SYNPR: variants seen among roughly 807,000 people sequenced by gnomAD.
SYNPR encodes synaptoporin.
In SYNPR, 23 loss-of-function variants were observed where a neutral mutation model predicts 32.9. The observed-to-expected ratio is 0.70, with a 90% CI of 0.50 to 0.99. The LOEUF (loss-of-function observed/expected upper bound fraction) is 0.99, where lower values mean the gene tolerates loss of function less well. Among genes scored for constraint, SYNPR ranks in the 50% least tolerant of loss-of-function variants. The pLI is 0.00. For synonymous variants in SYNPR, 146 were observed against 135.9 expected (o/e 1.07, Z -0.52); for missense variants, 318 against 349.3 (o/e 0.91, Z 0.71).
At chr3:63,497,202 C>T (rs1193431722) in intron 3 of SYNPR, among the ~76,000 whole-genome samples, 1 of 152,144 alleles carries the variant, frequency 6.6e-6, no homozygotes, top group Non-Finnish European at 1.5e-5. Flanking sequence ...AATATTTACA[C>T]AGTGTGAGCG....
intron 2 of SYNPR, among the ~76,000 whole-genome samples, chr3:63,279,384 A>G (rs2086607377): frequency 6.6e-6 from 1 of 152,162 alleles, no homozygotes; most frequent in South Asian, 2.1e-4. Flanking sequence ...GATTATACCC[A>G]GAAGAGCCCA....
chr3:63,333,025 C>T (rs1251355853), intron 2 of SYNPR, among the ~76,000 whole-genome samples: 2 of 152,002 alleles, frequency 1.3e-5, no homozygotes, highest in Non-Finnish European at 2.9e-5. Context: ...TCCTAGGAGA[C>T]AAAAATCATC....
chr3:63,403,775 C>A (rs1251710170), intron 2 of SYNPR, among the ~76,000 whole-genome samples: 1 of 151,980 alleles, frequency 6.6e-6, no homozygotes, highest in African/African-American at 2.4e-5. Flanking sequence ...AGGATGTAAC[C>A]TAAGAGAGAA....
At chr3:63,387,114 T>C (rs58668464) in intron 2 of SYNPR, among the ~76,000 whole-genome samples, 2,425 of 152,314 alleles carry the variant, frequency 0.016, 84 homozygotes, top group African/African-American at 0.054. Context: ...TCCACTGACA[T>C]ACAATGTTTA....
intron 3 of SYNPR, among the ~76,000 whole-genome samples, chr3:63,551,515 G>A (rs1559534074): frequency 6.6e-6 from 1 of 152,110 alleles, no homozygotes; most frequent in Non-Finnish European, 1.5e-5. Context: ...TTCCAAAGTG[G>A]CTGCATCATT....
intron 3 of SYNPR, among the ~76,000 whole-genome samples, chr3:63,549,418 G>C (rs1018952905): frequency 6.6e-6 from 1 of 152,072 alleles, no homozygotes; most frequent in South Asian, 2.1e-4. Flanking sequence ...GCCAGTGTAG[G>C]CTCCTTCTAC....
rs1700273721 is a variant in SYNPR at position 63,616,021 on chromosome 3, A to G, written c.*540A>G. The G allele has an allele frequency of 1.3e-5, 2 of 152,214 alleles. No individual in the cohort carries two copies. The highest frequency in any genetic ancestry group is 4.8e-5 in the African/African-American group (2 of 41,444). The allele number at this position is 152,214 out of a possible 1,614,324, so 9.4% of individuals were successfully genotyped here. On this transcript the variant is annotated 3_prime_UTR_variant, in exon 6 of 6. Coordinates refer to ENST00000478300, the MANE Select transcript of SYNPR (RefSeq NM_001130003.2). ...ATATGATTTAAGTGCATGAATAAGC[A>G]TTTTCCCACACAATGAACATTTGAA... is the stretch of plus-strand genomic sequence containing the variant.
At chr3:63,451,029 G>A (rs1019905451) in intron 2 of SYNPR, among the ~76,000 whole-genome samples, 27 of 148,292 alleles carry the variant, frequency 1.8e-4, no homozygotes, top group African/African-American at 6.9e-4. Flanking sequence ...CTGCGATATA[G>A]GGGTATGTAT....
chr3:63,410,047 C>A (rs1326290109), intron 2 of SYNPR, among the ~76,000 whole-genome samples: 1 of 151,388 alleles, frequency 6.6e-6, no homozygotes. Flanking sequence ...AAAAAAAACA[C>A]TTTGTTGTCT....
intron 1 of SYNPR, among the ~76,000 whole-genome samples, chr3:63,234,664 A>T (rs1178190776): frequency 6.6e-6 from 1 of 152,214 alleles, no homozygotes; most frequent in Non-Finnish European, 1.5e-5. Flanking sequence ...TAGACTTTCT[A>T]AGCTCCAAAA....
At chr3:63,360,431 A>G (rs2087641604) in intron 2 of SYNPR, among the ~76,000 whole-genome samples, 1 of 152,242 alleles carries the variant, frequency 6.6e-6, no homozygotes, top group African/African-American at 2.4e-5. Context: ...GCTGTGCTGC[A>G]CATGACAGCC....
At chr3:63,237,696 T>C (rs2086209893) in intron 1 of SYNPR, among the ~76,000 whole-genome samples, 1 of 152,160 alleles carries the variant, frequency 6.6e-6, no homozygotes, top group South Asian at 2.1e-4. Flanking sequence ...CATTTAAGTT[T>C]AATACAGAGA....
At chr3:63,492,831 C>T (rs1235433436) in intron 3 of SYNPR, among the ~76,000 whole-genome samples, 2 of 151,990 alleles carry the variant, frequency 1.3e-5, no homozygotes, top group Non-Finnish European at 2.9e-5. Flanking sequence ...AAAATAAGTT[C>T]TAGTTTTTTC....
chr3:63,541,908 C>T lies in SYNPR; in HGVS notation c.210-14635C>T, dbSNP rs72887380. 5.2e-3 allele frequency among the ~76,000 whole-genome samples: 785 copies of T among 152,164 alleles called. 11 individuals are homozygous for T. The highest frequency in any genetic ancestry group is 0.018 in the African/African-American group (751 of 41,528). On this transcript the variant is annotated intron_variant, in intron 3 of 5. Coordinates refer to ENST00000478300, the MANE Select transcript of SYNPR (RefSeq NM_001130003.2). ...GAAAATAACAAGCTAAAAATAGAGG[C>T]ACGAGGTAGCAGCAAAAAGAGGAAA...
chr3:63,605,363 A>G (rs1700102838), intron 4 of SYNPR, among the ~76,000 whole-genome samples: 1 of 152,236 alleles, frequency 6.6e-6, no homozygotes, highest in African/African-American at 2.4e-5. Flanking sequence ...GCCCTTCTAC[A>G]CGATGGCCCT....
intron 3 of SYNPR, among the ~76,000 whole-genome samples, chr3:63,519,433 T>C (rs906793004): frequency 2.0e-5 from 3 of 152,236 alleles, no homozygotes; most frequent in Non-Finnish European, 4.4e-5. Flanking sequence ...TCAGTAAATG[T>C]GAATTCTTCT....
chr3:63,392,073 C>T (rs866737349), intron 2 of SYNPR, among the ~76,000 whole-genome samples: 25 of 152,118 alleles, frequency 1.6e-4, no homozygotes, highest in Middle Eastern at 3.2e-3. Flanking sequence ...GCAACTCCAC[C>T]GCCTAACTAA....
At chr3:63,340,648 T>C (rs1318830930) in intron 2 of SYNPR, among the ~76,000 whole-genome samples, 2 of 151,990 alleles carry the variant, frequency 1.3e-5, no homozygotes, top group Non-Finnish European at 2.9e-5. Flanking sequence ...CTCGATCTCC[T>C]GACCTCGTGA....
intron 4 of SYNPR, among the ~76,000 whole-genome samples, chr3:63,600,392 G>A (rs1341227498): frequency 6.6e-6 from 1 of 152,204 alleles, no homozygotes; most frequent in African/African-American, 2.4e-5. Context: ...GCTGGGTTTG[G>A]CCAGTGGGGA....
Sources: allele counts gnomAD v4.1 joint callset (sites outside exome capture counted in the v4.1 genomes callset), GRCh38; gene constraint gnomAD v4.1.1; transcripts MANE v1.5; gene names NCBI Gene and HGNC (gene_info 2026-07-23, HGNC 2026-07-21).